Variants in TRA2B observed in about 807,000 individuals in gnomAD.
TRA2B encodes the protein transformer 2 beta homolog, also known as transformer-2 protein homolog beta.
A neutral mutation model predicts 41.7 loss-of-function variants in TRA2B; 14 were observed. The observed-to-expected ratio is 0.34, with a 90% confidence interval of 0.22 to 0.53. The LOEUF (loss-of-function observed/expected upper bound fraction) is 0.53. Ranked by LOEUF, TRA2B falls within the 20% of genes least tolerant of loss-of-function variation. TRA2B has a pLI of 0.95. For synonymous variants in TRA2B, 130 were observed against 128.8 expected, an observed-to-expected ratio of 1.01 and a Z score of -0.06; for missense variants, 167 against 396.8, an observed-to-expected ratio of 0.42 and a Z score of 4.92.
intron 1 of TRA2B, chr3:185,937,367 G>A: frequency 1.0e-6 from 1 of 998,892 alleles, no homozygotes; most frequent in African/African-American, 1.7e-5. Flanking sequence ...CCACCACGCG[G>A]CCTTACGAAG....
Position 185,925,643 on chromosome 3 carries a change from T to TCC in TRA2B, c.171-19_171-18dup, listed in dbSNP as rs747625893. The TCC allele has an allele frequency of 5.4e-5, 87 of 1,604,894 alleles. No homozygotes were observed. The highest frequency in any genetic ancestry group is 6.7e-5 in the Non-Finnish European group (79 of 1,176,634). On this transcript the variant is annotated splice_polypyrimidine_tract_variant and intron_variant, in intron 2 of 8. Coordinates refer to ENST00000453386, the MANE Select transcript of TRA2B (RefSeq NM_004593.3). ...GATCTAGACCTGCAAGACAAAGACC[T>TCC]CCTAAGGTTATGACTGAAAACAAAT...
At chr3:185,936,367 T>A (rs1321374604) in intron 1 of TRA2B, 2 of 985,096 alleles carry the variant, frequency 2.0e-6, no homozygotes, top group Non-Finnish European at 2.4e-6. Flanking sequence ...TAAAAAAAAA[T>A]CTAAAACACT....
Position 185,917,329 on chromosome 3 carries a change from A to G in TRA2B, c.*386T>C, listed in dbSNP as rs1392297374. 1 of 196,088 alleles carries G rather than the reference A, an allele frequency of 5.1e-6. No individual in the cohort carries two copies. The highest frequency in any genetic ancestry group is 1.3e-4 in the East Asian group (1 of 7,734). 12.1% of individuals were successfully genotyped at this position (196,088 alleles called of 1,614,324 possible). ...GCATTGATATGTTAGAAAGAAAAGT[A>G]AAAATCAAACTGTTTATTGTTGCTT... is the stretch of plus-strand genomic sequence containing the variant. On this transcript the variant is annotated 3_prime_UTR_variant, in exon 9 of 9. Transcript: ENST00000453386.
intron 4 of TRA2B, chr3:185,923,553 T>C (rs1743821863): frequency 3.0e-6 from 1 of 329,222 alleles, no homozygotes; most frequent in South Asian, 9.6e-5. Flanking sequence ...CTACATATCC[T>C]GGCGGAATTG....
intron 1 of TRA2B, among the ~76,000 whole-genome samples, chr3:185,929,710 C>A (rs1405801895): frequency 1.3e-5 from 2 of 152,156 alleles, no homozygotes; most frequent in Admixed American, 6.5e-5. Context: ...ACCATCCAAT[C>A]CCTGTATTAT....
intron 7 of TRA2B, among the ~76,000 whole-genome samples, chr3:185,919,122 G>A (rs1743615537): frequency 6.6e-6 from 1 of 152,132 alleles, no homozygotes; most frequent in Non-Finnish European, 1.5e-5. Context: ...TGCTATTTGA[G>A]ATGCTTACTT....
chr3:185,928,268 A>T (rs1313773155), intron 1 of TRA2B: 2 of 152,238 alleles, frequency 1.3e-5, no homozygotes, highest in East Asian at 3.8e-4. Context: ...TAACTCATCC[A>T]GTAAAATGAG....
chr3:185,932,334 G>A (rs368221007), intron 1 of TRA2B, among the ~76,000 whole-genome samples: 1 of 152,118 alleles, frequency 6.6e-6, no homozygotes, highest in African/African-American at 2.4e-5. Flanking sequence ...ATAAAGAAAC[G>A]TATTTAGCGT....
chr3:185,924,645 T>C (rs1743873798), intron 3 of TRA2B: 1 of 152,466 alleles, frequency 6.6e-6, no homozygotes, highest in South Asian at 2.1e-4. Flanking sequence ...AGACCCCATG[T>C]CTCTACAAAA....
At chr3:185,929,494 C>G (rs1744070339) in intron 1 of TRA2B, among the ~76,000 whole-genome samples, 1 of 152,102 alleles carries the variant, frequency 6.6e-6, no homozygotes, top group Admixed American at 6.6e-5. Context: ...CTAAAATTAG[C>G]ATGAATAAAA....
In TRA2B at chr3:185,918,499, AATTT is replaced by A. The variant is rs1282454298; in HGVS notation, c.783-65_783-62del. The A allele has an allele frequency of 4.9e-6, 6 of 1,215,546 alleles. No individual in the cohort carries two copies. In the Admixed American group the frequency reaches 1.1e-4, roughly 22 times the overall value. 75.3% of individuals were successfully genotyped at this position (1,215,546 alleles called of 1,614,324 possible). A position where few individuals can be genotyped will look rare whatever the true frequency, so the allele number is the denominator to read the frequency against. On this transcript the variant is annotated intron_variant, in intron 7 of 8. Transcript: ENST00000453386. ...AGATCACAATTAGACCAAACATATA[AATTT>A]ATGACTATATATACTGCCCTTTCAT... is the stretch of plus-strand genomic sequence containing the variant.
intron 1 of TRA2B, chr3:185,937,407 G>C: frequency 9.9e-7 from 1 of 1,009,748 alleles, no homozygotes. Context: ...GGTCCGCGTT[G>C]CCGCGCGGCT....
chr3:185,926,332 C>T (rs1743951697), intron 2 of TRA2B, among the ~76,000 whole-genome samples: 1 of 152,116 alleles, frequency 6.6e-6, no homozygotes, highest in African/African-American at 2.4e-5. Flanking sequence ...CCCTGAAGAA[C>T]TGGTACTGTA....
chr3:185,924,603 G>A (rs1743872305), intron 3 of TRA2B: 1 of 152,620 alleles, frequency 6.6e-6, no homozygotes. Flanking sequence ...TTGAAGCTCA[G>A]GAGTTTTGAG....
At chr3:185,920,087 T>C (rs928003230) in intron 6 of TRA2B, among the ~76,000 whole-genome samples, 1 of 152,198 alleles carries the variant, frequency 6.6e-6, no homozygotes, top group Non-Finnish European at 1.5e-5. Context: ...TTTTAAACTA[T>C]GATTGACATT....
At chr3:185,930,403 C>T (rs1744105404) in intron 1 of TRA2B, among the ~76,000 whole-genome samples, 1 of 152,060 alleles carries the variant, frequency 6.6e-6, no homozygotes. Flanking sequence ...AGAAAATTTT[C>T]TTCTGCTTGC....
At chr3:185,934,260 T>C (rs1237219880) in intron 1 of TRA2B, among the ~76,000 whole-genome samples, 1 of 152,236 alleles carries the variant, frequency 6.6e-6, no homozygotes, top group East Asian at 1.9e-4. Context: ...GCTGTAGCTC[T>C]GCCCTTGTCC....
intron 4 of TRA2B, chr3:185,922,406 G>T (rs541551838): frequency 4.9e-5 from 12 of 247,306 alleles, no homozygotes; most frequent in African/African-American, 2.4e-4. Flanking sequence ...ACTATAGCCT[G>T]TAGGTCAAAT....
chr3:185,932,564 A>T (rs1250567473), intron 1 of TRA2B, among the ~76,000 whole-genome samples: 1 of 152,218 alleles, frequency 6.6e-6, no homozygotes, highest in African/African-American at 2.4e-5. Context: ...GTATTTTCAA[A>T]GAGTTTTGTT....
Sources: allele counts gnomAD v4.1 joint callset (sites outside exome capture counted in the v4.1 genomes callset), GRCh38; gene constraint gnomAD v4.1.1; transcripts MANE v1.5; gene names NCBI Gene and HGNC (gene_info 2026-07-23, HGNC 2026-07-21).